Variants in SLC2A13 observed in about 807,000 individuals in gnomAD.
The protein encoded by SLC2A13 is proton myo-inositol cotransporter.
SLC2A13 carries 32 observed loss-of-function variants against 64.4 expected under a neutral mutation model. The observed-to-expected ratio is 0.50, with a 90% CI of 0.37 to 0.67. SLC2A13 has a LOEUF of 0.67. Among genes scored for constraint, SLC2A13 ranks in the 30% least tolerant of loss-of-function variants. SLC2A13 has a pLI of 0.00. For missense variants in SLC2A13, 743 were observed against 829.2 expected, an observed-to-expected ratio of 0.90 and a Z score of 1.28; for synonymous variants, 338 against 327.1, an observed-to-expected ratio of 1.03 and a Z score of -0.36.
chr12:39,784,385 C>A (rs1394987770), intron 7 of SLC2A13, among the ~76,000 whole-genome samples: 1 of 152,162 alleles, frequency 6.6e-6, no homozygotes, highest in Non-Finnish European at 1.5e-5. Flanking sequence ...AGATATAGAA[C>A]AATGGAACAG....
chr12:39,934,514 A>G (rs1336741716), intron 4 of SLC2A13, among the ~76,000 whole-genome samples: 2 of 152,232 alleles, frequency 1.3e-5, no homozygotes, highest in Non-Finnish European at 2.9e-5. Context: ...AATTTAACAA[A>G]TGTAAAAACT....
intron 7 of SLC2A13, among the ~76,000 whole-genome samples, chr12:39,765,334 T>C (rs1940307879): frequency 6.6e-6 from 1 of 152,138 alleles, no homozygotes; most frequent in African/African-American, 2.4e-5. Flanking sequence ...AATGATTCTA[T>C]CTGATTCCAA....
chr12:39,792,953 G>A (rs1054197132), intron 7 of SLC2A13, among the ~76,000 whole-genome samples: 4 of 152,106 alleles, frequency 2.6e-5, no homozygotes, highest in Non-Finnish European at 4.4e-5. Context: ...TGAACTTTAA[G>A]TAGGCATATA....
intron 6 of SLC2A13, among the ~76,000 whole-genome samples, chr12:39,860,959 T>C (rs1225918619): frequency 2.0e-5 from 3 of 152,214 alleles, no homozygotes; most frequent in Non-Finnish European, 4.4e-5. Flanking sequence ...TTTACGTTCT[T>C]AGACTGAAGA....
chr12:39,960,687 G>T (rs1206206072), intron 3 of SLC2A13, among the ~76,000 whole-genome samples: 4 of 149,828 alleles, frequency 2.7e-5, no homozygotes, highest in African/African-American at 9.8e-5. Flanking sequence ...CCTAATATTG[G>T]CTAGTATTTT....
chr12:40,081,631 TA>T (rs1158832126), intron 1 of SLC2A13, among the ~76,000 whole-genome samples: 1 of 152,228 alleles, frequency 6.6e-6, no homozygotes, highest in Admixed American at 6.5e-5. Context: ...AACTTTCTCC[TA>T]AATCTGGACG....
rs868535492 is a variant in SLC2A13, at chr12:39,975,197, A to G, written c.926-23832T>C. On this transcript the variant is annotated intron_variant, in intron 3 of 9. Transcript: ENST00000280871. ...GACAAATTTCACTCAGACAAAATGTATACTTACTTTCTGTTAAATCCTAAT... is the reference window on the plus strand; with the variant it reads ...GACAAATTTCACTCAGACAAAATGTGTACTTACTTTCTGTTAAATCCTAAT... 1.6e-4 allele frequency among the ~76,000 whole-genome samples: 24 copies of G among 152,344 alleles called. No individual in the cohort carries two copies. In the Middle Eastern group the frequency reaches 0.017, roughly 108 times the overall value.
chr12:39,938,915 C>T (rs1945969503), intron 4 of SLC2A13, among the ~76,000 whole-genome samples: 1 of 152,118 alleles, frequency 6.6e-6, no homozygotes, highest in Admixed American at 6.6e-5. Context: ...CTTTCTTTGT[C>T]TCTCTACTTG....
chr12:40,020,366 C>T (rs985905752), intron 3 of SLC2A13, among the ~76,000 whole-genome samples: 7 of 152,118 alleles, frequency 4.6e-5, no homozygotes, highest in Non-Finnish European at 8.8e-5. Flanking sequence ...TGAGTTCTCA[C>T]GAGCTCTGAC....
intron 7 of SLC2A13, among the ~76,000 whole-genome samples, chr12:39,792,573 G>A (rs1053907717): frequency 1.3e-5 from 2 of 152,124 alleles, no homozygotes; most frequent in Non-Finnish European, 2.9e-5. Context: ...GCCTCTGCCA[G>A]GTGTGTATAC....
At chr12:39,888,063 G>C (rs999132111) in intron 4 of SLC2A13, among the ~76,000 whole-genome samples, 1 of 152,178 alleles carries the variant, frequency 6.6e-6, no homozygotes, top group Non-Finnish European at 1.5e-5. Flanking sequence ...CTGACAGATT[G>C]ATTGCACTGA....
At chr12:40,090,304 T>C (rs1938722145) in intron 1 of SLC2A13, among the ~76,000 whole-genome samples, 1 of 152,212 alleles carries the variant, frequency 6.6e-6, no homozygotes. Context: ...CTAGTCATGT[T>C]TATTCATCTT....
chr12:39,916,797 A>G (rs909282252), intron 4 of SLC2A13, among the ~76,000 whole-genome samples: 33 of 142,466 alleles, frequency 2.3e-4, no homozygotes, highest in African/African-American at 8.7e-4. Flanking sequence ...GTCGGTAGTC[A>G]TTGTCTTGTG....
intron 1 of SLC2A13, among the ~76,000 whole-genome samples, chr12:40,074,672 T>A (rs1938097845): frequency 1.3e-5 from 2 of 152,304 alleles, no homozygotes; most frequent in African/African-American, 4.8e-5. Flanking sequence ...TTGATTCTGA[T>A]GTTTGCTCTG....
chr12:39,896,033 T>TGC (rs1944818252), intron 4 of SLC2A13, among the ~76,000 whole-genome samples: 1 of 36,116 alleles, frequency 2.8e-5, no homozygotes, highest in Non-Finnish European at 6.0e-5. Flanking sequence ...CATACATGCA[T>TGC]ATGTTTATAT....
rs189178816 is a variant in SLC2A13, at chr12:40,051,295, C to T, written c.557-3085G>A. ...GCTTAAATCTTTATATGAAATGACA[C>T]GGGGTTTTCTGAGAGATAAATAGAA... On this transcript the variant is annotated intron_variant, in intron 1 of 9. Transcript: ENST00000280871. 7.2e-5 allele frequency among the ~76,000 whole-genome samples: 11 copies of T among 152,230 alleles called. No individual in the cohort carries two copies. In the East Asian group the frequency reaches 1.9e-3, roughly 27 times the overall value.
chr12:40,088,203 A>G (rs1938648784), intron 1 of SLC2A13, among the ~76,000 whole-genome samples: 2 of 152,198 alleles, frequency 1.3e-5, no homozygotes, highest in African/African-American at 2.4e-5. Flanking sequence ...ACTAAGTACA[A>G]AAGTATAGAC....
In SLC2A13 at chr12:40,002,848, T is replaced by TAA. The variant is rs34891399; in HGVS notation, c.925+25451_925+25452dup. Among the ~76,000 whole-genome samples, 169 of 148,722 alleles carry TAA rather than the reference T, an allele frequency of 1.1e-3. 2 individuals are homozygous for TAA. The highest frequency in any genetic ancestry group is 3.0e-3 in the Admixed American group (45 of 14,940). ...TGGCTGAGTATAGTGTATATTCCCC[T>TAA]AAAAAAAAAAAATGGGAGAAGGAAC... is the stretch of plus-strand genomic sequence containing the variant. On this transcript the variant is annotated intron_variant, in intron 3 of 9. Transcript: ENST00000280871.
intron 4 of SLC2A13, among the ~76,000 whole-genome samples, chr12:39,933,128 C>T (rs1945858534): frequency 6.6e-6 from 1 of 152,142 alleles, no homozygotes. Flanking sequence ...ATTCAGGAGG[C>T]TGAGGCAGGA....
Sources: gnomAD v4.1 joint callset for allele counts (sites outside exome capture counted in the v4.1 genomes callset) on GRCh38, gnomAD v4.1.1 for gene constraint, MANE v1.5 for transcripts, NCBI Gene and HGNC (gene_info 2026-07-23, HGNC 2026-07-21) for gene names.